The following FRMPD4 variants were observed in gnomAD, a reference collection of about 807,000 sequenced individuals.
FRMPD4 encodes the protein FERM and PDZ domain containing 4, also known as FERM and PDZ domain-containing protein 4.
FRMPD4 carries 22 observed loss-of-function variants against 94.1 expected under a neutral mutation model. That is an observed-to-expected ratio of 0.23 (90% confidence interval 0.17 to 0.33). The LOEUF is 0.33. FRMPD4 is among the 10% of genes least tolerant of loss of function. The pLI is 1.00. For synonymous variants in FRMPD4, 631 were observed against 548.6 expected (o/e 1.15, Z -2.10); for missense variants, 1,111 against 1,339.9 (o/e 0.83, Z 2.67).
chrX:12,380,840 G>A (rs2056308457), intron 1 of FRMPD4, among the ~76,000 whole-genome samples: 1 of 111,950 alleles, frequency 8.9e-6, no homozygotes, highest in Admixed American at 9.5e-5. Context: ...TATCAGAATG[G>A]CACAGGGAAA....
chrX:12,704,962 G>A lies in FRMPD4; in HGVS notation c.1197+477G>A, dbSNP rs79957652. Among the ~76,000 whole-genome samples, 14 of 111,887 alleles carry A rather than the reference G, an allele frequency of 1.3e-4. No individual in the cohort carries two copies. In the East Asian group the frequency reaches 2.2e-3, roughly 18 times the overall value. On this transcript the variant is annotated intron_variant, in intron 11 of 16. Transcript: ENST00000675598. ...AGATCATTCTTTGTTAGGGAGTTAC[G>A]GGGAACATCCTGTGTATTCTGGGAT...
intron 1 of FRMPD4, among the ~76,000 whole-genome samples, chrX:11,843,324 A>AT (rs745397168): frequency 0.013 from 1,449 of 110,407 alleles, 8 homozygotes; most frequent in South Asian, 0.02. Flanking sequence ...GTTTAATGCT[A>AT]TTTTTTTCTT....
rs1183106173 is a variant in FRMPD4, at chrX:12,717,513, T to C, written c.2687T>C (p.Leu896Ser). The C allele has an allele frequency of 8.4e-7, 1 of 1,188,783 alleles. No individual in the cohort carries two copies. Among genetic ancestry groups the C allele is most frequent in the Admixed American group, 2.2e-5 (1 of 45,891 alleles). Residue 896 changes from leucine (L) to serine (S), a missense_variant, in exon 16 of 17, where the codon TTG (leucine) becomes TCG (serine). This residue lies in a region of FRMPD4 where 74 missense variants were observed against 93.9 expected (regional missense o/e 0.79). Coordinates refer to ENST00000675598, the MANE Select transcript of FRMPD4 (RefSeq NM_001368397.1). ...QTSDNSGVAILRAYSPESSSD... is the reference protein window; with the variant it reads ...QTSDNSGVAISRAYSPESSSD... ...TTACGGCATGCAGGTGTAGCCATCT[T>C]GCGGGCTTATAGTCCTGAGTCTTCG...
intron 2 of FRMPD4, among the ~76,000 whole-genome samples, chrX:12,551,045 GATAA>G (rs2058532022): frequency 9.1e-6 from 1 of 110,311 alleles, no homozygotes; most frequent in African/African-American, 3.3e-5. Context: ...ATGTGTCCTT[GATAA>G]ATATGTATAG....
At chrX:12,590,378 C>A (rs937630769) in intron 2 of FRMPD4, among the ~76,000 whole-genome samples, 2 of 112,061 alleles carry the variant, frequency 1.8e-5, no homozygotes, top group African/African-American at 6.5e-5. Context: ...TATTATCATG[C>A]AAATTTAAAG....
At chrX:12,657,127 A>G (rs2059666052) in intron 4 of FRMPD4, among the ~76,000 whole-genome samples, 1 of 111,041 alleles carries the variant, frequency 9.0e-6, no homozygotes, top group Non-Finnish European at 1.9e-5. Flanking sequence ...AGGAGCTTAA[A>G]TCAACAACAT....
At chrX:12,294,969 AAC>A (rs1443277839) in intron 1 of FRMPD4, among the ~76,000 whole-genome samples, 3 of 112,176 alleles carry the variant, frequency 2.7e-5, no homozygotes, top group Non-Finnish European at 5.6e-5. Context: ...TATTTATGTA[AAC>A]ACACAGAGAT....
chrX:12,476,760 A>G (rs974703597), intron 1 of FRMPD4, among the ~76,000 whole-genome samples: 2 of 111,729 alleles, frequency 1.8e-5, no homozygotes, highest in South Asian at 3.8e-4. Flanking sequence ...CAAAACCACA[A>G]TGAGATACGA....
chrX:12,068,008 G>A (rs1330895786), intron 3 of FRMPD4, among the ~76,000 whole-genome samples: 1 of 111,756 alleles, frequency 8.9e-6, no homozygotes, highest in Admixed American at 9.5e-5. Flanking sequence ...TGGACTCCAT[G>A]TCATCCTGAG....
chrX:12,502,379 A>G (rs35527344), intron 2 of FRMPD4, among the ~76,000 whole-genome samples: 38,600 of 110,669 alleles, frequency 0.35, 5,572 homozygotes, highest in East Asian at 0.74. Context: ...GTTCCTTACT[A>G]TTACCAGTTA....
At chrX:12,032,078 A>G (rs1480366318) in intron 3 of FRMPD4, among the ~76,000 whole-genome samples, 3 of 112,177 alleles carry the variant, frequency 2.7e-5, no homozygotes, top group African/African-American at 9.7e-5. Context: ...GAACGAAAAA[A>G]TATATACAAA....
intron 1 of FRMPD4, among the ~76,000 whole-genome samples, chrX:11,860,393 GAC>G (rs2053679625): frequency 8.9e-6 from 1 of 112,099 alleles, no homozygotes; most frequent in African/African-American, 3.2e-5. Flanking sequence ...TGTGATTGAA[GAC>G]ACTCTGACTC....
chrX:11,897,851 T>A (rs1180720301), intron 3 of FRMPD4, among the ~76,000 whole-genome samples: 1 of 111,677 alleles, frequency 9.0e-6, no homozygotes, highest in African/African-American at 3.3e-5. Context: ...TAGACATAAG[T>A]GCCATGGTAA....
intron 2 of FRMPD4, among the ~76,000 whole-genome samples, chrX:12,587,842 A>T (rs917106120): frequency 3.6e-5 from 4 of 112,060 alleles, no homozygotes; most frequent in African/African-American, 1.3e-4. Context: ...TTGCTGGGTC[A>T]TATAGTAACT....
At chrX:11,925,509 A>C (rs1265003861) in intron 3 of FRMPD4, among the ~76,000 whole-genome samples, 1 of 112,000 alleles carries the variant, frequency 8.9e-6, no homozygotes, top group African/African-American at 3.2e-5. Context: ...GAAGTAAAAC[A>C]CTCTTCAGCA....
chrX:12,204,011 A>G (rs1300802617), intron 1 of FRMPD4, among the ~76,000 whole-genome samples: 1 of 112,594 alleles, frequency 8.9e-6, no homozygotes, highest in Non-Finnish European at 1.9e-5. Context: ...TTCTTATACA[A>G]AAACATAAAT....
intron 1 of FRMPD4, among the ~76,000 whole-genome samples, chrX:12,326,570 G>C (rs747144498): frequency 2.7e-5 from 3 of 111,880 alleles, no homozygotes; most frequent in Non-Finnish European, 5.6e-5. Flanking sequence ...CCAAGTCCTA[G>C]GGGTGCTGAG....
At chrX:12,104,322 C>A (rs191996049) in intron 3 of FRMPD4, among the ~76,000 whole-genome samples, 1 of 112,061 alleles carries the variant, frequency 8.9e-6, no homozygotes, top group Non-Finnish European at 1.9e-5. Flanking sequence ...AATTAGTAAG[C>A]AGGGTTACTA....
chrX:12,100,021 T>C (rs1043831698), intron 3 of FRMPD4, among the ~76,000 whole-genome samples: 5 of 112,529 alleles, frequency 4.4e-5, no homozygotes, highest in Non-Finnish European at 9.4e-5. Flanking sequence ...CTCATTTTCA[T>C]ATTGCCTAGA....
Sources: allele counts gnomAD v4.1 joint callset (sites outside exome capture counted in the v4.1 genomes callset), GRCh38; gene constraint gnomAD v4.1.1; regional missense constraint gnomAD v4.1.1; transcripts MANE v1.5; gene names NCBI Gene and HGNC (gene_info 2026-07-23, HGNC 2026-07-21).